ENO4: variants seen among roughly 807,000 people sequenced by gnomAD.
The protein encoded by ENO4 is 2-phospho-D-glycerate hydro-lyase.
A neutral mutation model predicts 63.2 loss-of-function variants in ENO4; 53 were observed. The observed-to-expected ratio is 0.84, with a 90% CI of 0.67 to 1.05. The LOEUF is 1.05. Ranked by LOEUF, ENO4 falls within the 50% of genes least tolerant of loss-of-function variation. The probability of loss-of-function intolerance (pLI) is 0.00; values close to 1 mark genes in which losing one functional copy is unlikely to be tolerated. For missense variants in ENO4, 719 were observed against 772.0 expected (o/e 0.93, Z 0.81); for synonymous variants, 266 against 283.8 (o/e 0.94, Z 0.63).
Position 116,874,105 on chromosome 10 carries a change from C to T in ENO4, c.1245C>T (p.Gly415=). The T allele has an allele frequency of 6.5e-7, 1 of 1,549,252 alleles. No individual in the cohort carries two copies. The highest frequency in any genetic ancestry group is 1.7e-4 in the Middle Eastern group (1 of 5,988). The part of the protein sequence containing the change: ...YNKGKYEVIM[G]TYKNAAEMVD... ...AAGGAAAGTATGAAGTGATCATGGG[C>T]ACATACAAAAATGCAGCGGAGATGG... Residue 415 remains glycine (G), a synonymous_variant, in exon 10 of 14, where the codon GGC becomes GGT. Transcript: ENST00000341276.
chr10:116,906,500 TCTCA>T lies in ENO4; in HGVS notation c.1195-4993_1195-4990del. The stretch of plus-strand genomic sequence containing the variant: ...TAAATATCTTTACCCATCCCATACT[TCTCA>T]CTCACATTAAAAACAAATATTTTAA... On this transcript the variant is annotated intron_variant, in intron 10 of 10. Coordinates refer to the ENO4 transcript ENST00000369207. The T allele has an allele frequency of 8.8e-6, 8 of 911,292 alleles. No homozygotes were observed. The South Asian group carries it at 1.7e-4, about 19-fold the overall frequency. 56.5% of individuals were successfully genotyped at this position (911,292 alleles called of 1,614,324 possible).
chr10:116,897,794 T>C (rs971790310), intron 10 of ENO4, among the ~76,000 whole-genome samples: 8 of 152,174 alleles, frequency 5.3e-5, no homozygotes, highest in African/African-American at 9.7e-5. Flanking sequence ...CCCTACTCTG[T>C]CTGACTTTAG....
chr10:116,877,897 G>C (rs1326530506), intron 11 of ENO4, among the ~76,000 whole-genome samples: 1 of 152,194 alleles, frequency 6.6e-6, no homozygotes, highest in Non-Finnish European at 1.5e-5. Flanking sequence ...TGACACTATA[G>C]TCATCTCACT....
intron 10 of ENO4, chr10:116,906,815 A>T: frequency 7.8e-7 from 1 of 1,284,324 alleles, no homozygotes; most frequent in Non-Finnish European, 1.0e-6. Context: ...GAATATAAAA[A>T]TCAAACCATG....
At chr10:116,900,848 T>C (rs1317316531) in intron 10 of ENO4, 2 of 985,266 alleles carry the variant, frequency 2.0e-6, no homozygotes, top group Non-Finnish European at 2.4e-6. Flanking sequence ...AGGCCATTCA[T>C]TCCAGAAGAG....
At chr10:116,864,684 G>A (rs551763567) in intron 7 of ENO4, among the ~76,000 whole-genome samples, 7 of 152,130 alleles carry the variant, frequency 4.6e-5, no homozygotes, top group East Asian at 1.9e-4. Flanking sequence ...GGTAACTGCC[G>A]TTAAAAATTG....
At chr10:116,857,306 C>T (rs1202071638) in intron 3 of ENO4, among the ~76,000 whole-genome samples, 1 of 152,170 alleles carries the variant, frequency 6.6e-6, no homozygotes, top group African/African-American at 2.4e-5. Context: ...CCACCTGTCA[C>T]ATGCCACCTG....
chr10:116,861,836 G>GA (rs913266982), intron 6 of ENO4, among the ~76,000 whole-genome samples: 43 of 148,610 alleles, frequency 2.9e-4, no homozygotes, highest in East Asian at 2.4e-3. Context: ...AAATCAGTAA[G>GA]AAAAAAAAAA....
chr10:116,883,488 G>A (rs1419646598), downstream of ENO4: 3 of 152,122 alleles, frequency 2.0e-5, no homozygotes, highest in Admixed American at 6.5e-5. Flanking sequence ...ATCCATTCTC[G>A]ACAACTTACT....
chr10:116,852,667 A>G (rs766030421), intron 1 of ENO4, among the ~76,000 whole-genome samples: 1 of 152,210 alleles, frequency 6.6e-6, no homozygotes, highest in African/African-American at 2.4e-5. Context: ...TCTAGTCATC[A>G]TGCTGTGAGG....
chr10:116,904,784 T>C (rs1408043647), intron 10 of ENO4, among the ~76,000 whole-genome samples: 3 of 152,234 alleles, frequency 2.0e-5, no homozygotes, highest in Non-Finnish European at 2.9e-5. Context: ...AATGTGAGTA[T>C]TGCACATTTT....
At position 116,878,799 on chromosome 10, in the gene ENO4, A is replaced by G. The variant is rs1233896852; in HGVS notation, c.1538-492A>G. On this transcript the variant is annotated intron_variant, in intron 11 of 13. Transcript: ENST00000341276. ...GCTCTGTCGCCCAGAGCTGGAGTGC[A>G]GTGGCGCGATCTCAGCTCACTGCAA... is the stretch of plus-strand genomic sequence containing the variant. Among the ~76,000 whole-genome samples the G allele has an allele frequency of 7.6e-5, 10 of 131,352 alleles. No homozygotes were observed. The East Asian group carries it at 2.0e-3, about 27-fold the overall frequency. The allele number at this position is 131,352 out of a possible 152,430, so 86.2% of individuals were successfully genotyped here. A position where few individuals can be genotyped will look rare whatever the true frequency, so the allele number is the denominator to read the frequency against.
chr10:116,849,963 G>C, intron 1 of ENO4: 1 of 699,534 alleles, frequency 1.4e-6, no homozygotes, highest in Non-Finnish European at 2.6e-6. Context: ...GAGGAAAGAG[G>C]GCGCTAGGCG....
At chr10:116,870,200 AG>A (rs1286196856) in intron 8 of ENO4, among the ~76,000 whole-genome samples, 1 of 152,212 alleles carries the variant, frequency 6.6e-6, no homozygotes, top group Non-Finnish European at 1.5e-5. Flanking sequence ...CCTTACCTTA[AG>A]CCCTCAGATT....
intron 9 of ENO4, 97 bp from the exon 10 acceptor site, chr10:116,873,979 T>G (rs1403708607): frequency 1.4e-5 from 19 of 1,399,028 alleles, no homozygotes; most frequent in Non-Finnish European, 1.8e-5. Context: ...TACAACCTCT[T>G]ATATAAAATG....
chr10:116,909,013 T>C (rs184454953), intron 10 of ENO4, among the ~76,000 whole-genome samples: 1 of 152,290 alleles, frequency 6.6e-6, no homozygotes, highest in East Asian at 1.9e-4. Context: ...GCTAATAAAA[T>C]ACCAAGACTA....
chr10:116,861,953 G>A (rs17809970), intron 6 of ENO4, among the ~76,000 whole-genome samples: 3,797 of 152,238 alleles, frequency 0.025, 78 homozygotes, highest in Non-Finnish European at 0.04. Context: ...CTGTCAGATC[G>A]TATTCAGATC....
chr10:116,871,260 A>G lies in ENO4; in HGVS notation c.1183A>G (p.Ile395Val), dbSNP rs1564850726. ...ACTGGGAACAAATCTGCATCTAGCT[A>G]TCAACTGTGCTGGACATGAGCTGAT... Reference protein sequence around the residue: ...LELGTNLHLAINCAGHELMDY... With the variant: ...LELGTNLHLAVNCAGHELMDY... The change falls in exon 9 of 14, where the codon ATC becomes GTC. Residue 395 changes from isoleucine to valine, a missense_variant. Physicochemically the swap from Ile to Val is conservative, Grantham distance 29 (BLOSUM62 3). Transcript: ENST00000341276. 2.6e-6 allele frequency: 4 copies of G among 1,550,508 alleles called. No homozygotes were observed. Among genetic ancestry groups the G allele is most frequent in the Non-Finnish European group, 3.5e-6 (4 of 1,146,966 alleles).
At chr10:116,908,494 T>C (rs1302660358) in intron 10 of ENO4, among the ~76,000 whole-genome samples, 1 of 152,138 alleles carries the variant, frequency 6.6e-6, no homozygotes, top group Non-Finnish European at 1.5e-5. Context: ...ACAACAACTA[T>C]TCCCATATCA....
Sources: allele counts gnomAD v4.1 joint callset (sites outside exome capture counted in the v4.1 genomes callset), GRCh38; gene constraint gnomAD v4.1.1; transcripts MANE v1.5; gene names NCBI Gene and HGNC (gene_info 2026-07-23, HGNC 2026-07-21).